DAB1: variants seen among roughly 807,000 people sequenced by gnomAD.
DAB1 encodes the protein disabled homolog 1.
Under a neutral mutation model 64.6 loss-of-function variants are expected in DAB1, and 15 were observed. The ratio of observed to expected loss-of-function variants is 0.23; its 90% confidence interval spans 0.16 to 0.36. DAB1 has a LOEUF of 0.36. Among genes scored for constraint, DAB1 ranks in the 10% least tolerant of loss-of-function variants. DAB1 has a pLI of 1.00. For synonymous variants in DAB1, 235 were observed against 251.9 expected (o/e 0.93, Z 0.64); for missense variants, 596 against 706.7 (o/e 0.84, Z 1.78).
chr1:58,242,089 G>A (rs1049115387), intron 4 of DAB1, among the ~76,000 whole-genome samples: 2 of 151,970 alleles, frequency 1.3e-5, no homozygotes, highest in Non-Finnish European at 2.9e-5. Flanking sequence ...GAAAATGGTG[G>A]AAAAATCCAT....
At chr1:58,144,599 A>G (rs979887600) in intron 5 of DAB1, among the ~76,000 whole-genome samples, 2 of 152,256 alleles carry the variant, frequency 1.3e-5, no homozygotes, top group African/African-American at 4.8e-5. Flanking sequence ...AACCGAAGTT[A>G]AGTGACTTGC....
chr1:57,732,793 T>C (rs1217555236), intron 6 of DAB1, among the ~76,000 whole-genome samples: 3 of 152,168 alleles, frequency 2.0e-5, no homozygotes, highest in African/African-American at 7.2e-5. Flanking sequence ...GAGGAGAGAC[T>C]GGTCCTGGGT....
upstream of DAB1, among the ~76,000 whole-genome samples, chr1:57,886,923 T>C (rs1458044980): frequency 2.0e-5 from 3 of 152,322 alleles, no homozygotes; most frequent in East Asian, 3.9e-4. Flanking sequence ...TTTGAAACAG[T>C]GGTTGGCAAA....
chr1:57,116,173 C>T (rs1656085712), intron 4 of DAB1, among the ~76,000 whole-genome samples: 1 of 152,016 alleles, frequency 6.6e-6, no homozygotes, highest in South Asian at 2.1e-4. Flanking sequence ...GCTTAGAAAG[C>T]AGGTTGGGAG....
In DAB1 at chr1:58,199,837, A is replaced by G. The variant is rs567455567; in HGVS notation, n.310-49249T>C. Among the ~76,000 whole-genome samples the G allele has an allele frequency of 5.9e-5, 9 of 152,286 alleles. No individual in the cohort carries two copies. In the South Asian group the frequency reaches 1.9e-3, roughly 32 times the overall value. On this transcript the variant is annotated intron_variant and non_coding_transcript_variant, in intron 4 of 20. Transcript: ENST00000485760. ...TGTTCATGTCTCACAATAGAATGCA[A>G]GTCAGTGGGATGAAGAAAACTCTGC...
intron 2 of DAB1, among the ~76,000 whole-genome samples, chr1:57,204,824 A>C (rs1665409854): frequency 6.6e-6 from 1 of 152,256 alleles, no homozygotes; most frequent in Non-Finnish European, 1.5e-5. Context: ...CTTTGACTAA[A>C]GTATTCTTTA....
chr1:58,482,981 C>T (rs992992170), intron 3 of DAB1, among the ~76,000 whole-genome samples: 1 of 152,176 alleles, frequency 6.6e-6, no homozygotes, highest in Non-Finnish European at 1.5e-5. Flanking sequence ...TGTCTCTAAA[C>T]ACCTAAAAGC....
At chr1:57,106,803 AC>A (rs1286407664) in intron 4 of DAB1, among the ~76,000 whole-genome samples, 11 of 152,100 alleles carry the variant, frequency 7.2e-5, no homozygotes, top group African/African-American at 2.7e-4. Flanking sequence ...GATAAATCAT[AC>A]CCTGTGCTTG....
intron 4 of DAB1, among the ~76,000 whole-genome samples, chr1:57,088,127 A>G (rs1192535752): frequency 6.6e-6 from 1 of 152,136 alleles, no homozygotes; most frequent in Non-Finnish European, 1.5e-5. Context: ...CTGGAGTGCA[A>G]TGGCCCAAAC....
intron 4 of DAB1, among the ~76,000 whole-genome samples, chr1:58,210,521 T>C (rs1255980605): frequency 1.3e-5 from 2 of 152,230 alleles, no homozygotes; most frequent in Non-Finnish European, 2.9e-5. Context: ...TCCTGATCAA[T>C]GTCTTCTTTC....
chr1:57,826,351 GA>G (rs1309628904), exon 2 of DAB1: 1 of 152,246 alleles, frequency 6.6e-6, no homozygotes, highest in African/African-American at 2.4e-5. Context: ...CACTGCTGTA[GA>G]AGAGGAATAA....
chr1:58,386,630 T>C (rs1173979549), intron 3 of DAB1, among the ~76,000 whole-genome samples: 1 of 152,212 alleles, frequency 6.6e-6, no homozygotes, highest in African/African-American at 2.4e-5. Flanking sequence ...CAGCAAGTCA[T>C]TTAACTCTTT....
intron 3 of DAB1, among the ~76,000 whole-genome samples, chr1:58,489,040 C>T (rs1297093299): frequency 6.6e-6 from 1 of 152,204 alleles, no homozygotes; most frequent in African/African-American, 2.4e-5. Flanking sequence ...AACGATTTCT[C>T]CATTTCCAAC....
At chr1:58,101,447 C>T (rs1651316532) in intron 5 of DAB1, among the ~76,000 whole-genome samples, 2 of 152,040 alleles carry the variant, frequency 1.3e-5, no homozygotes, top group Admixed American at 1.3e-4. Flanking sequence ...CAGTTCAGGC[C>T]AGAGAGTGAG....
At chr1:57,370,050 G>A (rs775590629) in intron 1 of DAB1, among the ~76,000 whole-genome samples, 2 of 151,990 alleles carry the variant, frequency 1.3e-5, no homozygotes, top group Non-Finnish European at 2.9e-5. Context: ...CACATTCCCC[G>A]GTATCACCTG....
chr1:57,164,127 G>A (rs1661015366), intron 2 of DAB1, among the ~76,000 whole-genome samples: 1 of 152,102 alleles, frequency 6.6e-6, no homozygotes, highest in Non-Finnish European at 1.5e-5. Context: ...GAGGACAAGG[G>A]AAAGTGCCTG....
chr1:57,337,354 C>T (rs1389343669), intron 1 of DAB1, among the ~76,000 whole-genome samples: 1 of 152,236 alleles, frequency 6.6e-6, no homozygotes, highest in Non-Finnish European at 1.5e-5. Flanking sequence ...GTTCCAGGCA[C>T]ACCTGCCTCT....
At position 57,735,201 on chromosome 1, in the gene DAB1, T is replaced by C. The variant is rs142735944; in HGVS notation, n.552-85536A>G. 1.8e-3 allele frequency among the ~76,000 whole-genome samples: 271 copies of C among 152,306 alleles called. 2 individuals are homozygous for C. Among genetic ancestry groups the C allele is most frequent in the Middle Eastern group, 0.01 (3 of 294 alleles). ...AGAAGAAGTGAGACTAGGTGAAGAA[T>C]TGAAAAGACGACTGCCTTTGTGATT... On this transcript the variant is annotated intron_variant and non_coding_transcript_variant, in intron 6 of 20. Coordinates refer to the DAB1 transcript ENST00000485760.
At chr1:58,319,093 T>G (rs1398651280) in intron 4 of DAB1, among the ~76,000 whole-genome samples, 1 of 152,000 alleles carries the variant, frequency 6.6e-6, no homozygotes, top group Non-Finnish European at 1.5e-5. Flanking sequence ...GACTGATTAT[T>G]ACCTGTGAAC....
Sources: allele counts gnomAD v4.1 joint callset (sites outside exome capture counted in the v4.1 genomes callset), GRCh38; gene constraint gnomAD v4.1.1; transcripts MANE v1.5; gene names NCBI Gene and HGNC (gene_info 2026-07-23, HGNC 2026-07-21).